Variants in SLC44A2 observed in about 807,000 individuals in gnomAD.
SLC44A2 encodes the protein choline transporter-like protein 2.
SLC44A2 carries 57 observed loss-of-function variants against 90.8 expected under a neutral mutation model. The observed-to-expected ratio is 0.63, with a 90% confidence interval of 0.51 to 0.78. SLC44A2 has a LOEUF of 0.78. SLC44A2 is among the 30% of genes least tolerant of loss of function. SLC44A2 has a pLI of 0.00. For missense variants in SLC44A2, 794 were observed against 919.7 expected (o/e 0.86, Z 1.77); for synonymous variants, 355 against 360.7 (o/e 0.98, Z 0.18).
chr19:10,638,467 A>T, intron 20 of SLC44A2, 152 bp downstream of exon 20: 1 of 770,954 alleles, frequency 1.3e-6, no homozygotes, highest in Non-Finnish European at 2.2e-6. Context: ...TTTTGAATCA[A>T]GAGTCTTGCC....
At chr19:10,626,625 T>C (rs1241505188) in intron 2 of SLC44A2, among the ~76,000 whole-genome samples, 1 of 151,758 alleles carries the variant, frequency 6.6e-6, no homozygotes, top group Non-Finnish European at 1.5e-5. Flanking sequence ...TTCGCTGTGT[T>C]GCCCATGCTG....
At chr19:10,627,250 GGT>G in intron 2 of SLC44A2, among the ~76,000 whole-genome samples, 1 of 151,870 alleles carries the variant, frequency 6.6e-6, no homozygotes, top group East Asian at 1.9e-4. Flanking sequence ...GAACCTGGGA[GGT>G]AGAGGTTGCA....
chr19:10,631,327 G>T lies in SLC44A2; in HGVS notation c.383G>T (p.Ser128Ile). The part of the protein sequence containing the change: ...DRYLTYLNAR[S>I]SRDFEYYKQF... ...TACCTCACGTACCTGAATGCTCGCAGCTCCCGGGACTTTGAGTACTATAAG... is the reference window on the plus strand; with the variant it reads ...TACCTCACGTACCTGAATGCTCGCATCTCCCGGGACTTTGAGTACTATAAG... The change falls in exon 6 of 22, where the codon AGC (serine) becomes ATC (isoleucine). Residue 128 changes from serine to isoleucine, a missense_variant. Around this residue, in one of 3 missense-constraint regions of SLC44A2, gnomAD observed 738 missense variants for 841.1 expected, o/e 0.88. Coordinates refer to ENST00000335757, the MANE Select transcript of SLC44A2 (RefSeq NM_020428.4). The T allele has an allele frequency of 6.2e-7, 1 of 1,614,182 alleles. No individual in the cohort carries two copies. The highest frequency in any genetic ancestry group is 1.3e-5 in the African/African-American group (1 of 75,056).
At position 10,608,954 on chromosome 19, in the gene SLC44A2, C is replaced by CTTTTTT. The variant is rs35684067; in HGVS notation, c.31+6409_31+6414dup. Among the ~76,000 whole-genome samples the CTTTTTT allele has an allele frequency of 1.9e-4, 21 of 111,196 alleles. 1 individual carries two copies. The highest frequency in any genetic ancestry group is 2.9e-4 in the Non-Finnish European group (15 of 52,444). 72.9% of individuals were successfully genotyped at this position (111,196 alleles called of 152,430 possible). A position where few individuals can be genotyped will look rare whatever the true frequency, so the allele number is the denominator to read the frequency against. On this transcript the variant is annotated intron_variant, in intron 1 of 21. Coordinates refer to the SLC44A2 transcript ENST00000407327. ...TCGTGAGCCACTGCACCCAGCCTAC[C>CTTTTTT]TTTTTTTTTTTTTTTTTTTTTGAGA...
upstream of SLC44A2, among the ~76,000 whole-genome samples, chr19:10,623,867 T>C (rs144023290): frequency 0.061 from 9,207 of 151,868 alleles, 350 homozygotes; most frequent in South Asian, 0.11. Context: ...TTTTTGTATT[T>C]TTAGTACAGA....
At position 10,631,715 on chromosome 19, in the gene SLC44A2, C is replaced by A. The variant is rs370188486; in HGVS notation, c.592C>A (p.Arg198=). ...GACCTATGAGGATGGGCATGGCTCC[C>A]GGAAAAACATCACAGACCTGGTGGA... is the stretch of plus-strand genomic sequence containing the variant. ...ETTYEDGHGS[R]KNITDLVEGA... is the part of the protein sequence containing the mutation. Residue 198 remains arginine (R), a synonymous_variant, in exon 8 of 22, where the codon CGG becomes AGG. Transcript: ENST00000335757. 8.7e-6 allele frequency: 14 copies of A among 1,612,904 alleles called. 1 individual carries two copies. The South Asian group carries it at 1.3e-4, about 15-fold the overall frequency.
At chr19:10,625,207 C>G (rs917801859), upstream of SLC44A2, 2 of 181,092 alleles carry the variant, frequency 1.1e-5, no homozygotes, top group Non-Finnish European at 2.3e-5. Context: ...CACCAACATT[C>G]CACAGTTGGT....
chr19:10,642,156 C>CAA (rs373634246), intron 20 of SLC44A2, among the ~76,000 whole-genome samples: 1 of 74,448 alleles, frequency 1.3e-5, no homozygotes, highest in East Asian at 4.1e-4. Context: ...GATTCCGTCT[C>CAA]AAAAAAAAAA....
At chr19:10,603,359 A>G (rs986829745) in intron 1 of SLC44A2, among the ~76,000 whole-genome samples, 1 of 152,014 alleles carries the variant, frequency 6.6e-6, no homozygotes, top group Non-Finnish European at 1.5e-5. Flanking sequence ...TCTCTTCTCC[A>G]TTTTGGGTCC....
chr19:10,633,371 T>A (rs886784740), intron 10 of SLC44A2, among the ~76,000 whole-genome samples: 12 of 151,922 alleles, frequency 7.9e-5, no homozygotes, highest in African/African-American at 2.9e-4. Flanking sequence ...TTTACCATAT[T>A]GGCCAGGCTG....
chr19:10,617,982 CT>C (rs2066868875), intron 1 of SLC44A2, among the ~76,000 whole-genome samples: 1 of 152,068 alleles, frequency 6.6e-6, no homozygotes, highest in East Asian at 1.9e-4. Flanking sequence ...TTTGAGTTTT[CT>C]GTGTTTGCGT....
rs370393922 is a variant in SLC44A2, at chr19:10,643,234, C to T, written c.2015-45C>T. The T allele has an allele frequency of 3.8e-4, 607 of 1,578,366 alleles. 1 individual carries two copies. Among genetic ancestry groups the T allele is most frequent in the Non-Finnish European group, 4.9e-4 (574 of 1,161,272 alleles). On this transcript the variant is annotated intron_variant, in intron 21 of 21. Coordinates refer to ENST00000335757, the MANE Select transcript of SLC44A2 (RefSeq NM_020428.4). ...CTACCCTGTCCTTGAGGCCCCTGCC[C>T]GTGGGCTCCCCTCATGCCTCCTGCT...
rs568848709 is a variant in SLC44A2, at chr19:10,640,687, G to A, written c.1930-1680G>A. ...AGGGATGCAGCAGTAAATGGGACTGGGTCTAGTGAGGATGTGAGCATTAAA... is the reference window on the plus strand; with the variant it reads ...AGGGATGCAGCAGTAAATGGGACTGAGTCTAGTGAGGATGTGAGCATTAAA... On this transcript the variant is annotated intron_variant, in intron 20 of 21. Coordinates refer to ENST00000335757, the MANE Select transcript of SLC44A2 (RefSeq NM_020428.4). Among the ~76,000 whole-genome samples the A allele has an allele frequency of 2.0e-5, 3 of 152,268 alleles. No individual in the cohort carries two copies. In the East Asian group the frequency reaches 5.8e-4, roughly 29 times the overall value.
At chr19:10,628,376 ACT>A (rs892370093) in intron 4 of SLC44A2, among the ~76,000 whole-genome samples, 97 of 152,210 alleles carry the variant, frequency 6.4e-4, no homozygotes, top group African/African-American at 2.3e-3. Context: ...ACAGAGTGAG[ACT>A]CTGTCTCAAA....
At chr19:10,630,740 A>T (rs10414622) in intron 4 of SLC44A2, among the ~76,000 whole-genome samples, 120,636 of 151,050 alleles carry the variant, frequency 0.8, 48,290 homozygotes, top group African/African-American at 0.84. Flanking sequence ...GTGGTGGCTT[A>T]CACCTGTAAT....
rs375544832 is a variant in SLC44A2, at chr19:10,617,223, GTTC to G, written c.32-9021_32-9019del. On this transcript the variant is annotated intron_variant, in intron 1 of 21. Coordinates refer to the SLC44A2 transcript ENST00000407327. ...GCATGAGCAACCACGCCCAGCCCTT[GTTC>G]TTCTTCTTATCTTGCAGCATTGTTG... Among the ~76,000 whole-genome samples, 446 of 152,178 alleles carry G rather than the reference GTTC, an allele frequency of 2.9e-3. 2 individuals are homozygous for G. The highest frequency in any genetic ancestry group is 0.015 in the South Asian group (73 of 4,820).
upstream of SLC44A2, among the ~76,000 whole-genome samples, chr19:10,623,600 G>T (rs1260055518): frequency 6.6e-6 from 1 of 152,096 alleles, no homozygotes; most frequent in Non-Finnish European, 1.5e-5. Context: ...CAGCACTTTG[G>T]GAGGTTGAGG....
At position 10,635,535 on chromosome 19, in the gene SLC44A2, G is replaced by A. The variant is rs922555951; in HGVS notation, c.1233+20G>A. On this transcript the variant is annotated intron_variant, in intron 14 of 21. Transcript: ENST00000335757. ...CCAGAGGTGGGCGTCCCCGGGGTGG[G>A]GAGGGCAGGTATTGCCCCAGCAGGC... 1 of 1,606,714 alleles carries A rather than the reference G, an allele frequency of 6.2e-7. No individual in the cohort carries two copies. The highest frequency in any genetic ancestry group is 1.3e-5 in the African/African-American group (1 of 74,426).
chr19:10,615,288 T>A (rs1195497829), intron 1 of SLC44A2, among the ~76,000 whole-genome samples: 2 of 148,128 alleles, frequency 1.4e-5, no homozygotes, highest in African/African-American at 5.0e-5. Flanking sequence ...AAAAAAAAAT[T>A]AGGGGCCAGG....
Sources: gnomAD v4.1 joint callset for allele counts (sites outside exome capture counted in the v4.1 genomes callset) on GRCh38, gnomAD v4.1.1 for gene constraint, gnomAD v4.1.1 regional missense constraint, MANE v1.5 for transcripts, NCBI Gene and HGNC (gene_info 2026-07-23, HGNC 2026-07-21) for gene names.